The following EYS variants were observed in gnomAD, a reference collection of about 807,000 sequenced individuals.
EYS encodes protein eyes shut homolog.
Under a neutral mutation model 282.1 loss-of-function variants are expected in EYS, and 250 were observed. The observed-to-expected ratio is 0.89, with a 90% CI of 0.80 to 0.98. The LOEUF is 0.98. Ranked by LOEUF, EYS falls within the 50% of genes least tolerant of loss-of-function variation. EYS has a pLI of 0.00. For missense variants in EYS, 4,016 were observed against 3,709.0 expected (o/e 1.08, Z -2.15); for synonymous variants, 1,355 against 1,282.9 (o/e 1.06, Z -1.20).
intron 31 of EYS, among the ~76,000 whole-genome samples, chr6:64,116,729 A>C (rs1052158001): frequency 3.9e-5 from 6 of 152,130 alleles, no homozygotes; most frequent in African/African-American, 1.4e-4. Flanking sequence ...TGCAGAGATG[A>C]ATAAAAACAT....
chr6:65,579,779 G>A (rs1444356509), intron 2 of EYS, among the ~76,000 whole-genome samples: 2 of 152,070 alleles, frequency 1.3e-5, no homozygotes, highest in South Asian at 4.1e-4. Flanking sequence ...CACACTAAGG[G>A]TAAATGTTGC....
At chr6:65,680,764 TCACC>T in intron 1 of EYS, among the ~76,000 whole-genome samples, 1 of 152,002 alleles carries the variant, frequency 6.6e-6, no homozygotes, top group Admixed American at 6.6e-5. Context: ...TGGGGATTCC[TCACC>T]ATCAGCAAAG....
Position 64,939,340 on chromosome 6 carries a change from G to A in EYS, c.2381+6453C>T, listed in dbSNP as rs146782513. 9.9e-5 allele frequency among the ~76,000 whole-genome samples: 15 copies of A among 151,854 alleles called. 2 individuals carry two copies. The highest frequency in any genetic ancestry group is 3.4e-4 in the African/African-American group (14 of 41,504). ...TCAAAAATCTTAGGAATGATGAAATGACTAAGAGTTTGTCTTAATTTAGGT... is the reference window on the plus strand; with the variant it reads ...TCAAAAATCTTAGGAATGATGAAATAACTAAGAGTTTGTCTTAATTTAGGT... On this transcript the variant is annotated intron_variant, in intron 15 of 42. Coordinates refer to ENST00000503581, the MANE Select transcript of EYS (RefSeq NM_001142800.2).
At chr6:64,731,704 C>T (rs1283262950) in intron 22 of EYS, among the ~76,000 whole-genome samples, 1 of 152,142 alleles carries the variant, frequency 6.6e-6, no homozygotes, top group Non-Finnish European at 1.5e-5. Flanking sequence ...TGCTTTTACG[C>T]TGTTGGTGGG....
At chr6:65,536,806 C>T (rs1012180894) in intron 2 of EYS, among the ~76,000 whole-genome samples, 1 of 152,112 alleles carries the variant, frequency 6.6e-6, no homozygotes, top group African/African-American at 2.4e-5. Flanking sequence ...GGCAGAAAGA[C>T]TCAATATTGT....
chr6:65,573,250 GA>G, intron 2 of EYS, among the ~76,000 whole-genome samples: 1 of 152,208 alleles, frequency 6.6e-6, no homozygotes, highest in African/African-American at 2.4e-5. Flanking sequence ...AGCAAAAATG[GA>G]AAACATGTAT....
Position 64,341,973 on chromosome 6 carries a change from G to A in EYS, c.6079-34891C>T, listed in dbSNP as rs1771131732. Among the ~76,000 whole-genome samples, 3 of 151,552 alleles carry A rather than the reference G, an allele frequency of 2.0e-5. No individual in the cohort carries two copies. In the South Asian group the frequency reaches 6.2e-4, roughly 31 times the overall value. ...GTTTTTGATATTTAACAACAAATAA[G>A]TAAACCATAAAATATGGTTACTTAT... On this transcript the variant is annotated intron_variant, in intron 29 of 42. Transcript: ENST00000503581.
intron 8 of EYS, among the ~76,000 whole-genome samples, chr6:65,370,215 ATTTC>A (rs1241369578): frequency 2.2e-5 from 3 of 134,632 alleles, no homozygotes; most frequent in Admixed American, 7.7e-5. Flanking sequence ...CCCTCCCTCC[ATTTC>A]TTTCTTTCTT....
intron 2 of EYS, among the ~76,000 whole-genome samples, chr6:65,629,773 GA>G (rs1178402134): frequency 6.6e-6 from 1 of 152,058 alleles, no homozygotes. Context: ...TTGGTGTATT[GA>G]TTTGTCTTGT....
At chr6:63,924,034 G>A (rs1332562440) in intron 35 of EYS, among the ~76,000 whole-genome samples, 4 of 151,538 alleles carry the variant, frequency 2.6e-5, no homozygotes, top group Non-Finnish European at 5.9e-5. Context: ...AAAGCTTACA[G>A]AGAAAATGCA....
At chr6:64,100,429 T>C (rs1477485354) in intron 31 of EYS, among the ~76,000 whole-genome samples, 1 of 152,196 alleles carries the variant, frequency 6.6e-6, no homozygotes, top group African/African-American at 2.4e-5. Flanking sequence ...TTAACATATA[T>C]TAGTTTTTTA....
At chr6:64,955,011 A>G (rs548856321) in intron 14 of EYS, among the ~76,000 whole-genome samples, 1 of 151,928 alleles carries the variant, frequency 6.6e-6, no homozygotes, top group African/African-American at 2.4e-5. Flanking sequence ...TCTACCAAAA[A>G]TACAATACAA....
chr6:63,790,553 C>T (rs942564508), intron 37 of EYS, among the ~76,000 whole-genome samples: 3 of 152,206 alleles, frequency 2.0e-5, no homozygotes, highest in Admixed American at 1.3e-4. Context: ...TTTTCACTTC[C>T]TCACATTCTG....
chr6:65,614,071 T>C (rs989314254), intron 2 of EYS, among the ~76,000 whole-genome samples: 4 of 151,998 alleles, frequency 2.6e-5, no homozygotes, highest in African/African-American at 7.2e-5. Flanking sequence ...ACATGGGATA[T>C]ACAATACGAC....
At chr6:65,594,822 T>C (rs988151245) in intron 2 of EYS, among the ~76,000 whole-genome samples, 15 of 152,124 alleles carry the variant, frequency 9.9e-5, no homozygotes, top group Admixed American at 3.3e-4. Flanking sequence ...CTTTAATCCA[T>C]CTTGAACTAA....
chr6:64,283,101 A>G (rs986420885), intron 30 of EYS, among the ~76,000 whole-genome samples: 1 of 152,150 alleles, frequency 6.6e-6, no homozygotes, highest in Non-Finnish European at 1.5e-5. Flanking sequence ...CTCCAGTGAT[A>G]GTGTTACAGG....
intron 31 of EYS, among the ~76,000 whole-genome samples, chr6:64,113,235 G>A (rs1773265307): frequency 1.3e-5 from 2 of 151,854 alleles, no homozygotes; most frequent in Admixed American, 6.6e-5. Context: ...TTCCAAATTG[G>A]GAACAAATTA....
intron 13 of EYS, among the ~76,000 whole-genome samples, chr6:65,021,347 A>T (rs564429121): frequency 6.6e-6 from 1 of 152,312 alleles, no homozygotes; most frequent in Admixed American, 6.5e-5. Flanking sequence ...GCAAAATACC[A>T]TCAGTCTCTT....
At chr6:64,458,736 T>C (rs978319788) in intron 26 of EYS, among the ~76,000 whole-genome samples, 1 of 152,132 alleles carries the variant, frequency 6.6e-6, no homozygotes, top group Non-Finnish European at 1.5e-5. Context: ...TAAAAACTTA[T>C]GGAAAGTACT....
Sources: allele counts gnomAD v4.1 joint callset (sites outside exome capture counted in the v4.1 genomes callset), GRCh38; gene constraint gnomAD v4.1.1; transcripts MANE v1.5; gene names NCBI Gene and HGNC (gene_info 2026-07-23, HGNC 2026-07-21).